Variants in EXOSC10 observed in about 807,000 individuals in gnomAD.
EXOSC10 encodes exosome component 10.
EXOSC10 carries 94 observed loss-of-function variants against 126.6 expected under a neutral mutation model. The observed-to-expected ratio is 0.74, with a 90% confidence interval of 0.63 to 0.88. EXOSC10 has a LOEUF of 0.88. Among genes scored for constraint, EXOSC10 ranks in the 40% least tolerant of loss-of-function variants. The pLI is 0.00. For synonymous variants in EXOSC10, 395 were observed against 400.8 expected (o/e 0.99, Z 0.17); for missense variants, 1,041 against 1,100.5 (o/e 0.95, Z 0.77).
Position 11,073,957 on chromosome 1 carries a change from C to T in EXOSC10, c.2134G>A (p.Asp712Asn), listed in dbSNP as rs761215129. The T allele has an allele frequency of 2.5e-6, 4 of 1,610,482 alleles. No homozygotes were observed. Among genetic ancestry groups the T allele is most frequent in the African/African-American group, 1.3e-5 (1 of 74,318 alleles). Residue 712 changes from aspartate to asparagine, a missense_variant, in exon 19 of 25, where the codon GAT (aspartate) becomes AAT (asparagine). By Grantham distance (23) the Asp-to-Asn change is conservative. Coordinates refer to ENST00000376936, the MANE Select transcript of EXOSC10 (RefSeq NM_001001998.3). Reference sequence around the variant, plus strand: ...ACTTCATAGATTTTGGTTGATGGATCGAACTTCGCTGCCTGAGAGACGGGA... The same window carrying T: ...ACTTCATAGATTTTGGTTGATGGATTGAACTTCGCTGCCTGAGAGACGGGA... The part of the protein sequence containing the change: ...RAPVSQAAKF[D>N]PSTKIYEISN...
intron 9 of EXOSC10, among the ~76,000 whole-genome samples, chr1:11,085,507 A>C (rs575618985): frequency 6.6e-6 from 1 of 152,294 alleles, no homozygotes; most frequent in East Asian, 1.9e-4. Context: ...TTATCAGCTT[A>C]AGGAGATTTT....
chr1:11,070,868 T>C, intron 21 of EXOSC10, 32 bp downstream of exon 21: 1 of 1,600,102 alleles, frequency 6.2e-7, no homozygotes, highest in South Asian at 1.1e-5. Flanking sequence ...GCATCGTTTT[T>C]CAAAGGAAAA....
intron 14 of EXOSC10, among the ~76,000 whole-genome samples, chr1:11,078,548 C>T (rs2103897): frequency 2.6e-5 from 4 of 152,088 alleles, no homozygotes; most frequent in East Asian, 1.9e-4. Flanking sequence ...TGAGCCACCG[C>T]GCCCGGCTGA....
At position 11,066,885 on chromosome 1, in the gene EXOSC10, G is replaced by A. The variant is rs147216097; in HGVS notation, c.2628-137C>T. The A allele has an allele frequency of 1.0e-5, 9 of 892,098 alleles. No homozygotes were observed. The East Asian group carries it at 2.0e-4, about 20-fold the overall frequency. The allele number at this position is 892,098 out of a possible 1,614,324, so 55.3% of individuals were successfully genotyped here. On this transcript the variant is annotated intron_variant, in intron 24 of 24. Transcript: ENST00000376936. The stretch of plus-strand genomic sequence containing the variant: ...GCTCAGGGGCCCCAGAGAACTCGGC[G>A]GCCCACCAGAGTTGGCTGAGCTGAG...
chr1:11,077,312 A>G (rs1639874124), intron 16 of EXOSC10, 53 bp downstream of exon 16: 1 of 1,561,564 alleles, frequency 6.4e-7, no homozygotes, highest in African/African-American at 1.4e-5. Context: ...ATTTTAGACA[A>G]GGTAGCTGTG....
At chr1:11,095,441 T>C (rs1288146307) in intron 3 of EXOSC10, 9 of 218,924 alleles carry the variant, frequency 4.1e-5, no homozygotes, top group South Asian at 4.0e-4. Flanking sequence ...AGGCCGGGTG[T>C]GGTGGCTCAC....
At position 11,081,189 on chromosome 1, in the gene EXOSC10, G is replaced by C; in HGVS notation, c.1330C>G (p.Leu444Val). 6.2e-7 allele frequency: 1 copy of C among 1,614,156 alleles called. No homozygotes were observed. Among genetic ancestry groups the C allele is most frequent in the East Asian group, 2.2e-5 (1 of 44,890 alleles). The change falls in exon 11 of 25, where the codon CTG (leucine) becomes GTG (valine). Residue 444 changes from leucine (L) to valine (V), a missense_variant. Coordinates refer to ENST00000376936, the MANE Select transcript of EXOSC10 (RefSeq NM_001001998.3). ...LSYARDDTHYLLYIYDKMRLE... is the reference protein window; with the variant it reads ...LSYARDDTHYVLYIYDKMRLE... ...CTCATTTTGTCATAGATATATAGCA[G>C]GTAATGGGTGTCATCCCGGGCGTAG...
At chr1:11,091,748 A>G in intron 3 of EXOSC10, 151 bp from the exon 4 acceptor site, 1 of 581,238 alleles carries the variant, frequency 1.7e-6, no homozygotes, top group Non-Finnish European at 3.0e-6. Context: ...AACTCTTTAC[A>G]GTTCTGAATT....
intron 5 of EXOSC10, 59 bp from the exon 6 acceptor site, chr1:11,090,727 A>C: frequency 4.0e-6 from 5 of 1,241,486 alleles, no homozygotes; most frequent in Non-Finnish European, 5.7e-6. Context: ...TTCTAATTAC[A>C]CAGGGGTAAA....
rs1008229449 is a variant in EXOSC10 at position 11,080,906 on chromosome 1, T to C, written c.1444A>G (p.Ile482Val). Residue 482 changes from isoleucine (I) to valine (V), a missense_variant, in exon 12 of 25, where the codon ATC (isoleucine) becomes GTC (valine). Physicochemically the swap from Ile to Val is conservative, Grantham distance 29. This residue lies in a region of EXOSC10 where 645 missense variants were observed against 656.3 expected (regional missense o/e 0.98). Coordinates refer to ENST00000376936, the MANE Select transcript of EXOSC10 (RefSeq NM_001001998.3). The part of the protein sequence containing the change: ...RSRDICLKKF[I>V]KPIFTDESYL... ...GACTCATCCGTGAAGATAGGTTTGA[T>C]GAATTTCTACAAAGTATTAGAGAAC... 26 of 1,605,250 alleles carry C rather than the reference T, an allele frequency of 1.6e-5. No homozygotes were observed. In the South Asian group the frequency reaches 2.9e-4, roughly 18 times the overall value.
intron 9 of EXOSC10, among the ~76,000 whole-genome samples, chr1:11,084,048 T>C (rs927271197): frequency 6.6e-6 from 1 of 152,240 alleles, no homozygotes; most frequent in African/African-American, 2.4e-5. Flanking sequence ...TTGGGTTGGT[T>C]CCAAGTCTTT....
chr1:11,086,771 C>T (rs1022389807), intron 9 of EXOSC10, among the ~76,000 whole-genome samples: 4 of 152,006 alleles, frequency 2.6e-5, no homozygotes, highest in African/African-American at 9.7e-5. Context: ...TTGAAACCAG[C>T]GAGAACAAAG....
intron 1 of EXOSC10, among the ~76,000 whole-genome samples, chr1:11,099,490 C>G (rs551211533): frequency 9.3e-4 from 141 of 152,352 alleles, no homozygotes; most frequent in African/African-American, 3.3e-3. Context: ...GACGGCTTTC[C>G]ACATTTGGGC....
In EXOSC10 at chr1:11,068,664, T is replaced by G; in HGVS notation, c.2531A>C (p.Lys844Thr). The change falls in exon 23 of 25, where the codon AAA (lysine) becomes ACA (threonine). Residue 844 changes from lysine to threonine, a missense_variant. This residue lies in a region of EXOSC10 where 388 missense variants were observed against 415.2 expected (regional missense o/e 0.93). Transcript: ENST00000376936. ...SKVSSQFDPN[K>T]QTPSGKKCIA... is the part of the protein sequence containing the mutation. ...TCTTACCTTGCCAGACGGGGTCTGT[T>G]TATTTGGATCAAACTGAGAAGAAAC... 6.2e-7 allele frequency: 1 copy of G among 1,614,196 alleles called. No individual in the cohort carries two copies. The highest frequency in any genetic ancestry group is 8.5e-7 in the Non-Finnish European group (1 of 1,180,002).
chr1:11,071,788 G>A, intron 20 of EXOSC10: 1 of 276,784 alleles, frequency 3.6e-6, no homozygotes, highest in Non-Finnish European at 6.8e-6. Flanking sequence ...GGCTCGCTGT[G>A]CTGTGGCTCC....
chr1:11,093,236 A>G (rs1480112972), intron 3 of EXOSC10, among the ~76,000 whole-genome samples: 1 of 152,200 alleles, frequency 6.6e-6, no homozygotes, highest in African/African-American at 2.4e-5. Context: ...GAAAATTCTA[A>G]TATGATTTAA....
At chr1:11,097,260 C>T (rs1641158939) in intron 2 of EXOSC10, among the ~76,000 whole-genome samples, 2 of 151,780 alleles carry the variant, frequency 1.3e-5, no homozygotes, top group Admixed American at 1.3e-4. Flanking sequence ...CACCTATAAT[C>T]CCAGCTACTC....
At chr1:11,097,342 C>A (rs912628732) in intron 2 of EXOSC10, among the ~76,000 whole-genome samples, 20 of 151,512 alleles carry the variant, frequency 1.3e-4, no homozygotes, top group Non-Finnish European at 2.1e-4. Flanking sequence ...TGAGCCAATG[C>A]ACTCCAGCCT....
intron 2 of EXOSC10, among the ~76,000 whole-genome samples, chr1:11,097,325 C>CCGAG (rs1173877933): frequency 1.3e-5 from 2 of 151,514 alleles, no homozygotes; most frequent in Admixed American, 6.6e-5. Flanking sequence ...TTGCAGTGAG[C>CCGAG]CGAGATTGAG....
Sources: gnomAD v4.1 joint callset for allele counts (sites outside exome capture counted in the v4.1 genomes callset) on GRCh38, gnomAD v4.1.1 for gene constraint, gnomAD v4.1.1 regional missense constraint, MANE v1.5 for transcripts, NCBI Gene and HGNC (gene_info 2026-07-23, HGNC 2026-07-21) for gene names.